The following TPTE2 variants were observed in gnomAD, a reference collection of about 807,000 sequenced individuals.
TPTE2 encodes transmembrane phosphoinositide 3-phosphatase and tensin homolog 2.
Under a neutral mutation model 78.6 loss-of-function variants are expected in TPTE2, and 53 were observed. The ratio of observed to expected loss-of-function variants is 0.67; its 90% CI spans 0.54 to 0.85. The LOEUF is 0.85. Among genes scored for constraint, TPTE2 ranks in the 40% least tolerant of loss-of-function variants. The pLI, the probability that TPTE2 is intolerant of heterozygous loss-of-function variation, is 0.00. For missense variants in TPTE2, 461 were observed against 623.0 expected (o/e 0.74, Z 2.77); for synonymous variants, 175 against 206.2 (o/e 0.85, Z 1.30).
chr13:19,544,320 G>A, the TPTE2 span, among the ~76,000 whole-genome samples: 1 of 151,838 alleles, frequency 6.6e-6, no homozygotes. Flanking sequence ...AGTATAATTG[G>A]CTATATGAAT....
Position 19,496,463 on chromosome 13 carries a change from C to T in TPTE2, c.12-2962G>A, listed in dbSNP as rs183604433. On this transcript the variant is annotated intron_variant, in intron 1 of 19. Coordinates refer to ENST00000400230, the Ensembl canonical transcript of TPTE2. ...GCCCACTTCCTGGATCTCTCCATCA[C>T]GTCTTTCCTTTCACCCATCATGCTA... is the stretch of plus-strand genomic sequence containing the variant. Among the ~76,000 whole-genome samples, 23 of 152,256 alleles carry T rather than the reference C, an allele frequency of 1.5e-4. No individual in the cohort carries two copies. In the South Asian group the frequency reaches 2.1e-3, roughly 14 times the overall value.
At chr13:19,499,381 T>C (rs1187405771) in intron 1 of TPTE2, among the ~76,000 whole-genome samples, 32 of 151,620 alleles carry the variant, frequency 2.1e-4, no homozygotes, top group Admixed American at 2.0e-3. Context: ...TATTCCAAAA[T>C]TGACCACATA....
At chr13:19,538,456 G>C (rs569733959), upstream of TPTE2, among the ~76,000 whole-genome samples, 15 of 151,948 alleles carry the variant, frequency 9.9e-5, no homozygotes, top group African/African-American at 3.4e-4. Flanking sequence ...TCCTGACCTC[G>C]TGATGTGCCT....
chr13:19,551,570 A>G, the TPTE2 span, among the ~76,000 whole-genome samples: 1 of 146,656 alleles, frequency 6.8e-6, no homozygotes, highest in Non-Finnish European at 1.5e-5. Flanking sequence ...TGAGAGACAG[A>G]GAGAGAATCC....
At position 19,426,561 on chromosome 13, in the gene TPTE2, C is replaced by T. The variant is rs745317344; in HGVS notation, c.1303-44G>A. On this transcript the variant is annotated intron_variant, in intron 17 of 19. Coordinates refer to ENST00000400230, the Ensembl canonical transcript of TPTE2. ...AATTGAGAACTACAAACCTAGATAA[C>T]GATAACAAAAGTTCCTTTTCACTTA... is the stretch of plus-strand genomic sequence containing the variant. 4.1e-6 allele frequency: 5 copies of T among 1,233,162 alleles called. No homozygotes were observed. In the African/African-American group the frequency reaches 4.4e-5, roughly 11 times the overall value. 76.4% of individuals were successfully genotyped at this position (1,233,162 alleles called of 1,614,324 possible). A position where few individuals can be genotyped will look rare whatever the true frequency, so the allele number is the denominator to read the frequency against.
intron 1 of TPTE2, among the ~76,000 whole-genome samples, chr13:19,513,887 T>C (rs1869618507): frequency 1.3e-5 from 2 of 152,158 alleles, no homozygotes. Flanking sequence ...ATCAAGTCCC[T>C]CCACCACCTT....
intron 1 of TPTE2, among the ~76,000 whole-genome samples, chr13:19,497,430 T>C (rs1204328828): frequency 1.4e-4 from 18 of 124,564 alleles, no homozygotes; most frequent in Non-Finnish European, 2.5e-4. Flanking sequence ...GCAGTGGTTC[T>C]CCCAGCACGC....
intron 1 of TPTE2, among the ~76,000 whole-genome samples, chr13:19,497,232 C>T (rs1465872360): frequency 4.8e-5 from 7 of 147,252 alleles, no homozygotes; most frequent in Non-Finnish European, 7.6e-5. Flanking sequence ...GAGGGGCGCC[C>T]GACATTGCCC....
intron 1 of TPTE2, among the ~76,000 whole-genome samples, chr13:19,528,158 G>A (rs1432121241): frequency 2.0e-5 from 3 of 152,028 alleles, no homozygotes; most frequent in Admixed American, 1.3e-4. Flanking sequence ...GAGGCAGGTG[G>A]ATTACCTGAG....
chr13:19,434,353 G>T (rs374759982), intron 15 of TPTE2, among the ~76,000 whole-genome samples: 1 of 152,214 alleles, frequency 6.6e-6, no homozygotes, highest in African/African-American at 2.4e-5. Context: ...CCATAGGCTG[G>T]GAAAGAGCGC....
intron 10 of TPTE2, among the ~76,000 whole-genome samples, chr13:19,459,761 T>C (rs1422415461): frequency 6.6e-6 from 1 of 152,194 alleles, no homozygotes; most frequent in Non-Finnish European, 1.5e-5. Context: ...AGAAGCAGTC[T>C]GGTCATGATC....
At chr13:19,461,215 A>G (rs1371388201) in intron 10 of TPTE2, among the ~76,000 whole-genome samples, 1 of 152,168 alleles carries the variant, frequency 6.6e-6, no homozygotes, top group African/African-American at 2.4e-5. Context: ...GAGAGACCAC[A>G]TGGGGCCATT....
intron 11 of TPTE2, 21 bp downstream of exon 14, chr13:19,451,144 A>G (rs760704739): frequency 6.2e-7 from 1 of 1,609,624 alleles, no homozygotes; most frequent in Non-Finnish European, 8.5e-7. Context: ...ACAGTAGCAA[A>G]ATATAGAGTA....
the TPTE2 span, chr13:19,560,595 G>A: frequency 1.0e-5 from 16 of 1,601,262 alleles, no homozygotes; most frequent in East Asian, 3.6e-4. Context: ...GGTCAAAGAG[G>A]TCACAGAGGG....
intron 10 of TPTE2, among the ~76,000 whole-genome samples, chr13:19,456,287 G>A (rs1020115121): frequency 2.0e-5 from 3 of 152,046 alleles, no homozygotes; most frequent in Non-Finnish European, 4.4e-5. Context: ...ACCAGCTTGG[G>A]TCAGTGAGAC....
At chr13:19,496,084 C>T (rs1781587776) in intron 1 of TPTE2, among the ~76,000 whole-genome samples, 1 of 152,072 alleles carries the variant, frequency 6.6e-6, no homozygotes, top group African/African-American at 2.4e-5. Flanking sequence ...GCCAGGCTGG[C>T]CTTGAACTAC....
the TPTE2 span, among the ~76,000 whole-genome samples, chr13:19,549,964 C>A: frequency 1.2e-5 from 1 of 85,346 alleles, no homozygotes. Context: ...TACATATAGG[C>A]ACAAAGAAGG....
At chr13:19,482,238 T>C (rs1003293216) in intron 4 of TPTE2, among the ~76,000 whole-genome samples, 4 of 152,154 alleles carry the variant, frequency 2.6e-5, no homozygotes, top group African/African-American at 9.7e-5. Flanking sequence ...ATGGAATTAA[T>C]TTCCTCTAAG....
At chr13:19,428,425 G>A (rs2137464837) in intron 17 of TPTE2, among the ~76,000 whole-genome samples, 1 of 152,052 alleles carries the variant, frequency 6.6e-6, no homozygotes, top group Non-Finnish European at 1.5e-5. Flanking sequence ...TCCAGCCTGA[G>A]TAACAAGAGC....
Sources: gnomAD v4.1 joint callset for allele counts (sites outside exome capture counted in the v4.1 genomes callset) on GRCh38, gnomAD v4.1.1 for gene constraint, MANE v1.5 for transcripts, NCBI Gene and HGNC (gene_info 2026-07-23, HGNC 2026-07-21) for gene names.